PLS1: variants seen among roughly 807,000 people sequenced by gnomAD.
The protein encoded by PLS1 is plastin-1.
PLS1 carries 32 observed loss-of-function variants against 73.7 expected under a neutral mutation model. That is an observed-to-expected ratio of 0.43 (90% CI 0.33 to 0.58). The LOEUF (loss-of-function observed/expected upper bound fraction) is 0.58. Among genes scored for constraint, PLS1 ranks in the 20% least tolerant of loss-of-function variants. PLS1 has a pLI of 0.04. For missense variants in PLS1, 633 were observed against 740.5 expected (o/e 0.85, Z 1.68); for synonymous variants, 217 against 261.3 (o/e 0.83, Z 1.63).
chr3:142,698,623 G>C (rs2038262383), intron 12 of PLS1, among the ~76,000 whole-genome samples: 1 of 151,936 alleles, frequency 6.6e-6, no homozygotes, highest in African/African-American at 2.4e-5. Context: ...ACACATGAAT[G>C]AACAATTCAT....
At chr3:142,600,877 C>CTCATATATATATATATATAT (rs1491308964) in intron 1 of PLS1, among the ~76,000 whole-genome samples, 1 of 23,532 alleles carries the variant, frequency 4.2e-5, no homozygotes, top group Non-Finnish European at 7.4e-5. Context: ...GGCCTGGTTT[C>CTCATATATATATATATATAT]ATATATATAT....
At chr3:142,601,152 C>G (rs2108532559) in intron 1 of PLS1, among the ~76,000 whole-genome samples, 1 of 150,426 alleles carries the variant, frequency 6.6e-6, no homozygotes, top group Admixed American at 6.6e-5. Flanking sequence ...GTCTCGATCT[C>G]CTGACCTCGT....
chr3:142,623,880 G>T (rs1390412007), intron 1 of PLS1, among the ~76,000 whole-genome samples: 3 of 152,182 alleles, frequency 2.0e-5, no homozygotes. Context: ...TCTTGATTGG[G>T]CTTTGATTTT....
At chr3:142,599,604 C>T (rs1275770698) in intron 1 of PLS1, among the ~76,000 whole-genome samples, 5 of 152,146 alleles carry the variant, frequency 3.3e-5, no homozygotes, top group African/African-American at 9.7e-5. Context: ...GCTGGGATTA[C>T]AGGCGTGAGC....
intron 1 of PLS1, among the ~76,000 whole-genome samples, chr3:142,632,564 T>A (rs1221820298): frequency 6.6e-6 from 1 of 151,456 alleles, no homozygotes; most frequent in Non-Finnish European, 1.5e-5. Flanking sequence ...CAATTCCACC[T>A]CTAGGTATAT....
At chr3:142,638,062 CCTGT>C (rs2036736747) in intron 1 of PLS1, among the ~76,000 whole-genome samples, 2 of 152,074 alleles carry the variant, frequency 1.3e-5, no homozygotes, top group African/African-American at 2.4e-5. Flanking sequence ...CCCCAACATA[CCTGT>C]CTATCTGCTC....
chr3:142,607,271 A>C (rs190056085), intron 1 of PLS1, among the ~76,000 whole-genome samples: 198 of 147,732 alleles, frequency 1.3e-3, no homozygotes, highest in Middle Eastern at 3.5e-3. Context: ...CTGTTACCCT[A>C]TTATTAACAT....
chr3:142,646,877 C>T (rs559843732), intron 1 of PLS1, among the ~76,000 whole-genome samples: 9 of 152,324 alleles, frequency 5.9e-5, no homozygotes, highest in Non-Finnish European at 1.0e-4. Flanking sequence ...TAAATCTTTC[C>T]ACTGTCAGTA....
chr3:142,705,749 A>T (rs2038447597), intron 14 of PLS1, among the ~76,000 whole-genome samples: 1 of 152,238 alleles, frequency 6.6e-6, no homozygotes, highest in South Asian at 2.1e-4. Flanking sequence ...TCAGAAATTT[A>T]TCAGTTCAAT....
At chr3:142,704,141 T>A in intron 13 of PLS1, 140 bp downstream of exon 13, 1 of 652,448 alleles carries the variant, frequency 1.5e-6, no homozygotes, top group Middle Eastern at 4.3e-4. Context: ...AAGGATTTAC[T>A]GTTGATTATG....
intron 1 of PLS1, among the ~76,000 whole-genome samples, chr3:142,608,600 G>A (rs2036066537): frequency 6.6e-6 from 1 of 152,192 alleles, no homozygotes; most frequent in African/African-American, 2.4e-5. Flanking sequence ...GGCTGTGGAA[G>A]CCTATACTCT....
chr3:142,597,935 C>A (rs1464397964), intron 1 of PLS1, among the ~76,000 whole-genome samples: 1 of 152,138 alleles, frequency 6.6e-6, no homozygotes. Flanking sequence ...TCACTGAAGC[C>A]CCACCTAACA....
chr3:142,678,769 G>A (rs2037778977), intron 6 of PLS1, among the ~76,000 whole-genome samples: 1 of 151,360 alleles, frequency 6.6e-6, no homozygotes, highest in Non-Finnish European at 1.5e-5. Context: ...ATGATTTATA[G>A]TCCTTTGGAT....
intron 14 of PLS1, 102 bp from the exon 15 acceptor site, chr3:142,711,399 G>C (rs1416315960): frequency 7.5e-6 from 6 of 796,978 alleles, no homozygotes; most frequent in Non-Finnish European, 1.2e-5. Flanking sequence ...TAAGTACAAA[G>C]AATTTGTAGA....
intron 3 of PLS1, among the ~76,000 whole-genome samples, chr3:142,670,711 G>A (rs2204256): frequency 6.6e-6 from 1 of 152,136 alleles, no homozygotes; most frequent in African/African-American, 2.4e-5. Flanking sequence ...TTATTTCTTA[G>A]GTTTTCAGTA....
At chr3:142,664,038 C>T (rs1364029741) in intron 1 of PLS1, 164 bp from the exon 2 acceptor site, 2 of 348,994 alleles carry the variant, frequency 5.7e-6, no homozygotes, top group Admixed American at 9.0e-5. Context: ...TTTGGCTGGC[C>T]TATGCTGAGA....
intron 1 of PLS1, among the ~76,000 whole-genome samples, chr3:142,639,224 G>C (rs1301874805): frequency 6.6e-6 from 1 of 152,154 alleles, no homozygotes; most frequent in African/African-American, 2.4e-5. Flanking sequence ...AGGGTGAGGA[G>C]TTCAGGGCTG....
chr3:142,677,101 A>G (rs1396911150), intron 5 of PLS1, among the ~76,000 whole-genome samples: 1 of 152,136 alleles, frequency 6.6e-6, no homozygotes, highest in East Asian at 1.9e-4. Context: ...CCAAATGGGT[A>G]TTTTCCTATT....
chr3:142,616,586 G>A (rs2036220031), intron 1 of PLS1, among the ~76,000 whole-genome samples: 1 of 152,042 alleles, frequency 6.6e-6, no homozygotes, highest in Non-Finnish European at 1.5e-5. Context: ...AATTGTGTGT[G>A]TTGTTTAGTG....
Sources: allele counts gnomAD v4.1 joint callset (sites outside exome capture counted in the v4.1 genomes callset), GRCh38; gene constraint gnomAD v4.1.1; transcripts MANE v1.5; gene names NCBI Gene and HGNC (gene_info 2026-07-23, HGNC 2026-07-21).